Variants in DNER observed in about 807,000 individuals in gnomAD.
DNER encodes the protein delta/notch like EGF repeat containing.
In DNER, 33 loss-of-function variants were observed where a neutral mutation model predicts 78.2. The ratio of observed to expected loss-of-function variants is 0.42; its 90% CI spans 0.32 to 0.56. The LOEUF (loss-of-function observed/expected upper bound fraction) is 0.56, where lower values mean the gene tolerates loss of function less well. DNER is among the 20% of genes least tolerant of loss of function. The pLI is 0.11. For missense variants in DNER, 918 were observed against 975.3 expected (o/e 0.94, Z 0.78); for synonymous variants, 417 against 384.8 (o/e 1.08, Z -0.98).
intron 10 of DNER, among the ~76,000 whole-genome samples, chr2:229,392,814 C>T (rs549747528): frequency 6.6e-6 from 1 of 152,134 alleles, no homozygotes; most frequent in South Asian, 2.1e-4. Flanking sequence ...AAGTTACTTA[C>T]CTGACACAAA....
chr2:229,671,323 C>T (rs1699203029), intron 1 of DNER, among the ~76,000 whole-genome samples: 1 of 152,176 alleles, frequency 6.6e-6, no homozygotes, highest in South Asian at 2.1e-4. Flanking sequence ...CCAAGCTTGT[C>T]CTCACTCAGG....
rs1037436947 is a variant in DNER, at chr2:229,714,176, G to C, written c.248C>G (p.Pro83Arg). 7.5e-7 allele frequency: 1 copy of C among 1,340,222 alleles called. No homozygotes were observed. Among genetic ancestry groups the C allele is most frequent in the Non-Finnish European group, 9.5e-7 (1 of 1,051,148 alleles). 83.0% of individuals were successfully genotyped at this position (1,340,222 alleles called of 1,614,324 possible). The change falls in exon 1 of 13, where the codon CCC becomes CGC. Residue 83 changes from proline to arginine, a missense_variant. Pro to Arg is a moderately radical substitution (Grantham distance 103, BLOSUM62 -2). Transcript: ENST00000341772. Reference protein sequence around the residue: ...AGEPGYSCTCPAGISGANCQL... With the variant: ...AGEPGYSCTCRAGISGANCQL... ...GCAGTTGGCGCCGGAGATCCCGGCG[G>C]GGCAGGTGCAGCTGTAGCCAGGCTC...
rs570029938 is a variant in DNER, at chr2:229,448,702, A to C, written c.1262-1162T>G. ...GGTCTCTACATCTGTGCATACATGT[A>C]GGTATATATGTTTAACAATGCTTTC... On this transcript the variant is annotated intron_variant, in intron 7 of 12. Transcript: ENST00000341772. 2.0e-5 allele frequency among the ~76,000 whole-genome samples: 3 copies of C among 152,330 alleles called. No homozygotes were observed. In the East Asian group the frequency reaches 5.8e-4, roughly 29 times the overall value.
At chr2:229,693,151 G>A (rs923981158) in intron 1 of DNER, among the ~76,000 whole-genome samples, 2 of 151,884 alleles carry the variant, frequency 1.3e-5, no homozygotes, top group Admixed American at 6.6e-5. Flanking sequence ...CTGTTCTCAT[G>A]ATAGTGAGTG....
At chr2:229,408,195 C>T (rs1007780918) in intron 9 of DNER, among the ~76,000 whole-genome samples, 3 of 151,922 alleles carry the variant, frequency 2.0e-5, no homozygotes, top group Admixed American at 6.6e-5. Context: ...ACGCAAATGC[C>T]TGAAGTGGGA....
At chr2:229,644,334 CTTTTTTTTTTTTTT>C (rs5839345) in intron 1 of DNER, among the ~76,000 whole-genome samples, 4 of 97,504 alleles carry the variant, frequency 4.1e-5, no homozygotes, top group African/African-American at 1.8e-4. Flanking sequence ...CTTGCTTTCT[CTTTTTTTTTTTTTT>C]TTTTTTTTTT....
At chr2:229,618,882 T>C (rs1222772965) in intron 1 of DNER, among the ~76,000 whole-genome samples, 1 of 152,154 alleles carries the variant, frequency 6.6e-6, no homozygotes, top group African/African-American at 2.4e-5. Flanking sequence ...CTTATGTCTG[T>C]AATCCCTTTG....
intron 6 of DNER, among the ~76,000 whole-genome samples, chr2:229,506,611 C>T (rs1695751109): frequency 6.7e-6 from 1 of 149,762 alleles, no homozygotes; most frequent in African/African-American, 2.5e-5. Flanking sequence ...TGTTGGTGTG[C>T]TGTACCCAGT....
In DNER at chr2:229,546,914, T is replaced by C. The variant is rs759465784; in HGVS notation, c.993+33A>G. The C allele has an allele frequency of 2.3e-5, 37 of 1,612,858 alleles. 1 individual carries two copies. The highest frequency in any genetic ancestry group is 1.1e-5 in the South Asian group (1 of 90,950). On this transcript the variant is annotated intron_variant, in intron 5 of 12. Transcript: ENST00000341772. ...ATTCAGGTAAATATTCATGTAAATA[T>C]GTGTATTTACAAGCTACCAGGCATC...
At chr2:229,474,038 T>C (rs1384885069) in intron 7 of DNER, among the ~76,000 whole-genome samples, 17 of 152,190 alleles carry the variant, frequency 1.1e-4, no homozygotes, top group Admixed American at 9.8e-4. Context: ...CCCAAGTAGC[T>C]GGGATTACAG....
At chr2:229,382,632 A>C (rs959602935) in intron 11 of DNER, among the ~76,000 whole-genome samples, 1 of 151,960 alleles carries the variant, frequency 6.6e-6, no homozygotes, top group African/African-American at 2.4e-5. Flanking sequence ...CACAAGTATC[A>C]ATAGCCAAAT....
Position 229,635,361 on chromosome 2 carries a change from G to GAAAAAAAA in DNER, c.277-43481_277-43474dup, listed in dbSNP as rs58220819. ...CTATGGATGCACTAAGGTCCCACAG[G>GAAAAAAAA]AAAAAAAAAAAAAAAAAAAAAAAAC... On this transcript the variant is annotated intron_variant, in intron 1 of 12. Coordinates refer to ENST00000341772, the MANE Select transcript of DNER (RefSeq NM_139072.4). Among the ~76,000 whole-genome samples, 9 of 85,876 alleles carry GAAAAAAAA rather than the reference G, an allele frequency of 1.0e-4. 1 individual carries two copies. The highest frequency in any genetic ancestry group is 2.5e-4 in the African/African-American group (5 of 19,752). The allele number at this position is 85,876 out of a possible 152,430, so 56.3% of individuals were successfully genotyped here.
chr2:229,448,086 C>A (rs1431110503), intron 7 of DNER, among the ~76,000 whole-genome samples: 1 of 152,058 alleles, frequency 6.6e-6, no homozygotes, highest in East Asian at 1.9e-4. Flanking sequence ...CTACAAGCAG[C>A]CACTGTTAAC....
intron 1 of DNER, among the ~76,000 whole-genome samples, chr2:229,671,537 C>A (rs760826804): frequency 1.3e-5 from 2 of 152,208 alleles, no homozygotes; most frequent in Non-Finnish European, 2.9e-5. Flanking sequence ...CACCCCCAAA[C>A]TAGAATATAG....
chr2:229,567,058 A>G (rs1451763277), intron 4 of DNER, among the ~76,000 whole-genome samples: 4 of 152,096 alleles, frequency 2.6e-5, no homozygotes, highest in African/African-American at 9.7e-5. Context: ...AGTTCCTCTA[A>G]TATTATGCAC....
intron 6 of DNER, among the ~76,000 whole-genome samples, chr2:229,501,578 G>A (rs897236014): frequency 9.2e-5 from 14 of 152,134 alleles, no homozygotes; most frequent in Non-Finnish European, 1.6e-4. Context: ...TAAGCCTTGT[G>A]TCAAGACAAC....
chr2:229,644,625 AAG>A (rs1251756419), intron 1 of DNER, among the ~76,000 whole-genome samples: 2 of 151,914 alleles, frequency 1.3e-5, no homozygotes. Context: ...GGGATTTTTG[AAG>A]AGAGTTTATT....
At chr2:229,607,040 C>T (rs11892985) in intron 1 of DNER, among the ~76,000 whole-genome samples, 6,948 of 152,142 alleles carry the variant, frequency 0.046, 481 homozygotes, top group African/African-American at 0.15. Flanking sequence ...CAGCACACAG[C>T]AAAAAATTAC....
intron 1 of DNER, among the ~76,000 whole-genome samples, chr2:229,641,177 C>T (rs1445552851): frequency 6.6e-6 from 1 of 152,112 alleles, no homozygotes; most frequent in African/African-American, 2.4e-5. Flanking sequence ...GTCAACAGTT[C>T]TAGGGATCAC....
Sources: gnomAD v4.1 joint callset for allele counts (sites outside exome capture counted in the v4.1 genomes callset) on GRCh38, gnomAD v4.1.1 for gene constraint, MANE v1.5 for transcripts, NCBI Gene and HGNC (gene_info 2026-07-23, HGNC 2026-07-21) for gene names.